Variants in COL4A2 observed in about 807,000 individuals in gnomAD.
COL4A2 encodes collagen alpha-2(IV) chain.
Under a neutral mutation model 200.2 loss-of-function variants are expected in COL4A2, and 99 were observed. That is an observed-to-expected ratio of 0.49 (90% CI 0.42 to 0.58). COL4A2 has a LOEUF of 0.58. Ranked by LOEUF, COL4A2 falls within the 20% of genes least tolerant of loss-of-function variation. The probability of loss-of-function intolerance (pLI) is 0.00; values close to 1 mark genes in which losing one functional copy is unlikely to be tolerated. For synonymous variants in COL4A2, 897 were observed against 900.6 expected, an observed-to-expected ratio of 1.00 and a Z score of 0.07; for missense variants, 1,950 against 2,314.1, an observed-to-expected ratio of 0.84 and a Z score of 3.23.
chr13:110,336,485 G>A (rs577186798), intron 3 of COL4A2, among the ~76,000 whole-genome samples: 4 of 152,196 alleles, frequency 2.6e-5, no homozygotes, highest in African/African-American at 7.2e-5. Flanking sequence ...GCTCCTGCGC[G>A]CTGCCCAGGG....
chr13:110,441,355 C>T (rs1881117195), intron 16 of COL4A2, among the ~76,000 whole-genome samples: 1 of 152,224 alleles, frequency 6.6e-6, no homozygotes, highest in Admixed American at 6.5e-5. Flanking sequence ...GCTCTAGACA[C>T]GGGCCGTCTT....
Position 110,437,992 on chromosome 13 carries a change from T to C in COL4A2, c.826-10T>C, listed in dbSNP as rs1880959771. On this transcript the variant is annotated splice_polypyrimidine_tract_variant and intron_variant, in intron 13 of 47. Transcript: ENST00000360467. ...TAATAAGCGTTTCTTATTTTTCATATTCTTCACAGGGTGAAAAAGGCAGTG... is the reference window on the plus strand; with the variant it reads ...TAATAAGCGTTTCTTATTTTTCATACTCTTCACAGGGTGAAAAAGGCAGTG... 2 of 1,610,924 alleles carry C rather than the reference T, an allele frequency of 1.2e-6. No homozygotes were observed.
Position 110,511,985 on chromosome 13 carries a change from A to C in COL4A2, c.4933A>C (p.Ser1645Arg). ...TGGCCAATCACTGGTGTCACCGGGC[A>C]GCTGTCTAGAGGACTTCCGCGCCAC... Reference protein sequence around the residue: ...GGGQSLVSPGSCLEDFRATPF... With the variant: ...GGGQSLVSPGRCLEDFRATPF... Residue 1645 changes from serine to arginine, a missense_variant, in exon 48 of 48, where the codon AGC (serine) becomes CGC (arginine). Transcript: ENST00000360467. 6.2e-7 allele frequency: 1 copy of C among 1,613,570 alleles called. No individual in the cohort carries two copies. Among genetic ancestry groups the C allele is most frequent in the East Asian group, 2.2e-5 (1 of 44,886 alleles).
At chr13:110,456,521 T>A (rs1191449667) in intron 20 of COL4A2, 1 of 347,036 alleles carries the variant, frequency 2.9e-6, no homozygotes, top group Non-Finnish European at 5.6e-6. Context: ...AAGGAATAAT[T>A]GTTATCCCTA....
intron 29 of COL4A2, among the ~76,000 whole-genome samples, chr13:110,474,889 C>T (rs1214579325): frequency 1.0e-5 from 1 of 96,234 alleles, no homozygotes; most frequent in African/African-American, 3.8e-5. Context: ...TACCCACACA[C>T]GTGCCTATGC....
intron 4 of COL4A2, among the ~76,000 whole-genome samples, chr13:110,361,510 G>A (rs1877512730): frequency 6.6e-6 from 1 of 152,152 alleles, no homozygotes; most frequent in African/African-American, 2.4e-5. Flanking sequence ...TTATGGGCAT[G>A]GTACCCCAGT....
intron 3 of COL4A2, among the ~76,000 whole-genome samples, chr13:110,334,224 G>A (rs889313721): frequency 6.6e-6 from 1 of 152,210 alleles, no homozygotes; most frequent in Non-Finnish European, 1.5e-5. Context: ...CAGTAAAATC[G>A]GCCTTCTTGA....
chr13:110,469,179 G>C, intron 27 of COL4A2, 38 bp from the exon 28 acceptor site: 1 of 1,555,708 alleles, frequency 6.4e-7, no homozygotes, highest in Non-Finnish European at 8.7e-7. Context: ...TTATCCTCGT[G>C]GAGCCTGATG....
At chr13:110,505,880 G>A (rs1240179012) in intron 45 of COL4A2, among the ~76,000 whole-genome samples, 2 of 152,184 alleles carry the variant, frequency 1.3e-5, no homozygotes, top group Admixed American at 6.5e-5. Context: ...CACATCCTGA[G>A]GGGCACATGC....
chr13:110,344,930 C>T (rs528729489), intron 3 of COL4A2, among the ~76,000 whole-genome samples: 58 of 152,240 alleles, frequency 3.8e-4, no homozygotes, highest in Non-Finnish European at 6.0e-4. Context: ...TATTAAGGCC[C>T]TAGTTACAAA....
chr13:110,435,062 T>G (rs1566531045), intron 12 of COL4A2, among the ~76,000 whole-genome samples: 1 of 152,236 alleles, frequency 6.6e-6, no homozygotes, highest in Admixed American at 6.5e-5. Context: ...ACCTGACCCT[T>G]GGCCTCATGA....
intron 14 of COL4A2, among the ~76,000 whole-genome samples, chr13:110,438,251 T>C (rs1880974194): frequency 6.6e-6 from 1 of 152,254 alleles, no homozygotes; most frequent in Non-Finnish European, 1.5e-5. Flanking sequence ...AAACACTGGC[T>C]AATCATCTTC....
intron 4 of COL4A2, among the ~76,000 whole-genome samples, chr13:110,360,023 T>C (rs546251666): frequency 3.3e-5 from 5 of 152,378 alleles, no homozygotes; most frequent in African/African-American, 9.6e-5. Flanking sequence ...TTTAAGTTTA[T>C]GGAAGCCATT....
chr13:110,446,770 A>T (rs202180404), intron 17 of COL4A2, 28 bp from the exon 18 acceptor site: 82 of 1,596,464 alleles, frequency 5.1e-5, no homozygotes, highest in Non-Finnish European at 6.7e-5. Flanking sequence ...CTATTCTCAC[A>T]TCCTGTTTTT....
In COL4A2 at chr13:110,419,987, T is replaced by TGGGGG. The variant is rs1413190279; in HGVS notation, c.181-4746_181-4742dup. ...ATCTCTTCCCTCAGGAATGCCAGGA[T>TGGGGG]GGGGGTTATGGTGGTCTCGTGCATT... On this transcript the variant is annotated intron_variant, in intron 4 of 47. Transcript: ENST00000360467. Among the ~76,000 whole-genome samples the TGGGGG allele has an allele frequency of 4.6e-5, 7 of 152,304 alleles. No individual in the cohort carries two copies. The East Asian group carries it at 1.4e-3, about 29-fold the overall frequency.
At chr13:110,348,734 T>A (rs970552640) in intron 3 of COL4A2, among the ~76,000 whole-genome samples, 1 of 152,172 alleles carries the variant, frequency 6.6e-6, no homozygotes, top group Non-Finnish European at 1.5e-5. Flanking sequence ...GTAATGTTGA[T>A]CTTGTTTGTC....
chr13:110,487,985 G>T (rs1006021996), intron 34 of COL4A2, among the ~76,000 whole-genome samples: 1 of 152,172 alleles, frequency 6.6e-6, no homozygotes, highest in Non-Finnish European at 1.5e-5. Flanking sequence ...GGTGCAGCCT[G>T]TGGATACCCT....
rs1447335966 is a variant in COL4A2, at chr13:110,391,788, CA to C, written c.181-32945del. Among the ~76,000 whole-genome samples the C allele has an allele frequency of 2.6e-5, 4 of 152,308 alleles. No homozygotes were observed. The East Asian group carries it at 7.7e-4, about 29-fold the overall frequency. On this transcript the variant is annotated intron_variant, in intron 4 of 47. Coordinates refer to ENST00000360467, the MANE Select transcript of COL4A2 (RefSeq NM_001846.4). ...TGGTCCCCAGGTGCTCGCTAAAAGGCAGCCTCCACCCGTCCTGAGAGTGAAC... is the reference window on the plus strand; with the variant it reads ...TGGTCCCCAGGTGCTCGCTAAAAGGCGCCTCCACCCGTCCTGAGAGTGAAC...
chr13:110,386,008 C>T (rs182393332), intron 4 of COL4A2, among the ~76,000 whole-genome samples: 1,494 of 26,688 alleles, frequency 0.056, 217 homozygotes, highest in African/African-American at 0.095. Flanking sequence ...GTGGTCACAG[C>T]GTGTGGATGG....
Sources: gnomAD v4.1 joint callset for allele counts (sites outside exome capture counted in the v4.1 genomes callset) on GRCh38, gnomAD v4.1.1 for gene constraint, MANE v1.5 for transcripts, NCBI Gene and HGNC (gene_info 2026-07-23, HGNC 2026-07-21) for gene names.